Variants in WDR70 observed in about 807,000 individuals in gnomAD.
WDR70 encodes WD repeat-containing protein 70.
A neutral mutation model predicts 88.6 loss-of-function variants in WDR70; 53 were observed. The observed-to-expected ratio is 0.60, with a 90% CI of 0.48 to 0.75. The LOEUF (loss-of-function observed/expected upper bound fraction) is 0.75, where lower values mean the gene tolerates loss of function less well. Ranked by LOEUF, WDR70 falls within the 30% of genes least tolerant of loss-of-function variation. The pLI is 0.00. For synonymous variants in WDR70, 280 were observed against 270.0 expected, an observed-to-expected ratio of 1.04 and a Z score of -0.36; for missense variants, 610 against 823.2, an observed-to-expected ratio of 0.74 and a Z score of 3.17.
At chr5:37,674,543 C>G (rs1014188411) in intron 10 of WDR70, among the ~76,000 whole-genome samples, 2 of 152,152 alleles carry the variant, frequency 1.3e-5, no homozygotes, top group Non-Finnish European at 2.9e-5. Flanking sequence ...TCATCCATGT[C>G]CCTACAAAGG....
chr5:37,719,555 C>A (rs1038459873), intron 13 of WDR70, among the ~76,000 whole-genome samples: 5 of 152,086 alleles, frequency 3.3e-5, no homozygotes, highest in Non-Finnish European at 7.4e-5. Context: ...AATTTTCCCC[C>A]CAGCTGATGG....
At chr5:37,568,381 T>C (rs1048988053) in intron 9 of WDR70, among the ~76,000 whole-genome samples, 1 of 152,208 alleles carries the variant, frequency 6.6e-6, no homozygotes, top group Admixed American at 6.5e-5. Context: ...TTAGCCCCTG[T>C]TTATTTTAAT....
In WDR70 at chr5:37,489,727, G is replaced by A. The variant is rs1428457520; in HGVS notation, c.840+9740G>A. ...GGTAGGGTGGTGTGGTAGGGCACTT[G>A]GTTGGGGTGACATTGTCAGGTCTAG... On this transcript the variant is annotated intron_variant, in intron 8 of 17. Coordinates refer to ENST00000265107, the MANE Select transcript of WDR70 (RefSeq NM_018034.4). Among the ~76,000 whole-genome samples the A allele has an allele frequency of 1.4e-4, 21 of 151,994 alleles. No individual in the cohort carries two copies. In the East Asian group the frequency reaches 3.9e-3, roughly 28 times the overall value.
chr5:37,547,851 AATT>A (rs1331956232), intron 9 of WDR70, among the ~76,000 whole-genome samples: 1 of 152,066 alleles, frequency 6.6e-6, no homozygotes, highest in South Asian at 2.1e-4. Flanking sequence ...CCATGGGCTC[AATT>A]ATTTTGATTT....
chr5:37,427,470 ATACATG>A (rs1357399371), intron 5 of WDR70, among the ~76,000 whole-genome samples: 7 of 152,192 alleles, frequency 4.6e-5, no homozygotes, highest in Admixed American at 2.6e-4. Context: ...GTATATGTAC[ATACATG>A]TACATGTACA....
At chr5:37,608,473 A>G (rs1316157868) in intron 10 of WDR70, among the ~76,000 whole-genome samples, 2 of 152,040 alleles carry the variant, frequency 1.3e-5, no homozygotes, top group African/African-American at 4.8e-5. Flanking sequence ...TCTCCCTGCC[A>G]GTGGTACTCT....
chr5:37,414,714 T>C (rs1322749888), intron 5 of WDR70, among the ~76,000 whole-genome samples: 1 of 151,992 alleles, frequency 6.6e-6, no homozygotes, highest in African/African-American at 2.4e-5. Context: ...TCCTTGGCTG[T>C]GGGCATGGCT....
intron 5 of WDR70, among the ~76,000 whole-genome samples, chr5:37,397,629 T>C (rs1749059359): frequency 6.6e-6 from 1 of 152,210 alleles, no homozygotes; most frequent in Non-Finnish European, 1.5e-5. Context: ...GTAAATGTTA[T>C]TTGGGAGGAG....
chr5:37,605,313 C>A, intron 10 of WDR70, 75 bp downstream of exon 10: 4 of 1,450,514 alleles, frequency 2.8e-6, no homozygotes, highest in East Asian at 2.4e-5. Context: ...CAAAGACAAA[C>A]GTGTTAAAGT....
chr5:37,505,708 T>C (rs1740539011), intron 8 of WDR70: 3 of 1,021,184 alleles, frequency 2.9e-6, no homozygotes, highest in South Asian at 1.3e-5. Flanking sequence ...TTTTGCGACA[T>C]GTATAGTGGT....
At chr5:37,468,157 GAA>G in intron 7 of WDR70, among the ~76,000 whole-genome samples, 2 of 152,306 alleles carry the variant, frequency 1.3e-5, no homozygotes, top group Middle Eastern at 6.8e-3. Context: ...CCTATCATAT[GAA>G]TTTTGAGGGA....
At chr5:37,447,351 T>C (rs1050156275) in intron 7 of WDR70, among the ~76,000 whole-genome samples, 2 of 152,168 alleles carry the variant, frequency 1.3e-5, no homozygotes, top group African/African-American at 4.8e-5. Flanking sequence ...GACTGTAAAC[T>C]AGTTCAACCA....
At chr5:37,497,070 T>A (rs1203378825) in intron 8 of WDR70, among the ~76,000 whole-genome samples, 1 of 152,214 alleles carries the variant, frequency 6.6e-6, no homozygotes, top group Non-Finnish European at 1.5e-5. Flanking sequence ...GAGGCAGATA[T>A]CTAATGGGGC....
chr5:37,435,805 T>C (rs564787162), intron 5 of WDR70, among the ~76,000 whole-genome samples: 1 of 152,298 alleles, frequency 6.6e-6, no homozygotes, highest in African/African-American at 2.4e-5. Context: ...AATTAAAAAT[T>C]ACAATCTAGT....
At chr5:37,464,466 G>A (rs553027800) in intron 7 of WDR70, among the ~76,000 whole-genome samples, 3 of 152,314 alleles carry the variant, frequency 2.0e-5, no homozygotes, top group African/African-American at 4.8e-5. Context: ...AGATCAGTAC[G>A]AAGAATTGCT....
At chr5:37,504,063 G>T (rs11742177) in intron 8 of WDR70, among the ~76,000 whole-genome samples, 61,468 of 152,006 alleles carry the variant, frequency 0.4, 15,050 homozygotes, top group Non-Finnish European at 0.54. Flanking sequence ...TTGGATTCTG[G>T]ATTCAGGGCT....
At chr5:37,495,217 C>A (rs1310994943) in intron 8 of WDR70, among the ~76,000 whole-genome samples, 1 of 152,124 alleles carries the variant, frequency 6.6e-6, no homozygotes, top group African/African-American at 2.4e-5. Context: ...TGAATGGACT[C>A]TAGTTAAGAA....
In WDR70 at chr5:37,476,919, G is replaced by A. The variant is rs185060174; in HGVS notation, c.687-2915G>A. Reference sequence around the variant, plus strand: ...TGACGCGATCATAGCTCATTGCATAGCTGGGATTATGAGTACGAGCCACTG... The same window carrying A: ...TGACGCGATCATAGCTCATTGCATAACTGGGATTATGAGTACGAGCCACTG... On this transcript the variant is annotated intron_variant, in intron 7 of 17. Coordinates refer to ENST00000265107, the MANE Select transcript of WDR70 (RefSeq NM_018034.4). 7.6e-4 allele frequency among the ~76,000 whole-genome samples: 116 copies of A among 152,264 alleles called. 2 individuals carry two copies. Among genetic ancestry groups the A allele is most frequent in the Non-Finnish European group, 1.3e-4 (9 of 68,008 alleles).
intron 11 of WDR70, 132 bp downstream of exon 11, chr5:37,697,886 T>A: frequency 1.7e-6 from 1 of 598,558 alleles, no homozygotes; most frequent in Admixed American, 3.2e-5. Flanking sequence ...CCAGTCTGAT[T>A]TCTTCATTAA....
Sources: allele counts gnomAD v4.1 joint callset (sites outside exome capture counted in the v4.1 genomes callset), GRCh38; gene constraint gnomAD v4.1.1; transcripts MANE v1.5; gene names NCBI Gene and HGNC (gene_info 2026-07-23, HGNC 2026-07-21).